MAK: variants seen among roughly 807,000 people sequenced by gnomAD.
The protein encoded by MAK is male germ cell associated kinase, also known as serine/threonine-protein kinase MAK.
MAK carries 65 observed loss-of-function variants against 82.6 expected under a neutral mutation model. The observed-to-expected ratio is 0.79, with a 90% CI of 0.64 to 0.97. MAK has a LOEUF of 0.97. Ranked by LOEUF, MAK falls within the 50% of genes least tolerant of loss-of-function variation. The pLI is 0.00. For synonymous variants in MAK, 250 were observed against 274.2 expected, an observed-to-expected ratio of 0.91 and a Z score of 0.87; for missense variants, 703 against 780.2, an observed-to-expected ratio of 0.90 and a Z score of 1.18.
intron 10 of MAK, among the ~76,000 whole-genome samples, chr6:10,790,320 A>G (rs1176397418): frequency 6.6e-6 from 1 of 152,164 alleles, no homozygotes; most frequent in Non-Finnish European, 1.5e-5. Context: ...CAAAGTGAAG[A>G]CTTCCATACT....
In MAK at chr6:10,767,833, G is replaced by A. The variant is rs186369399; in HGVS notation, c.1792+2278C>T. Among the ~76,000 whole-genome samples the A allele has an allele frequency of 6.6e-5, 10 of 151,848 alleles. No individual in the cohort carries two copies. In the East Asian group the frequency reaches 1.7e-3, roughly 26 times the overall value. On this transcript the variant is annotated intron_variant, in intron 14 of 14. Coordinates refer to ENST00000354489, the MANE Select transcript of MAK (RefSeq NM_001242957.3). ...AAAACAAAAACAAAAATCTTGAAGG[G>A]GAGAAAGAAGAGCAAAGACGAGACT... is the stretch of plus-strand genomic sequence containing the variant.
intron 5 of MAK, among the ~76,000 whole-genome samples, chr6:10,812,806 T>C (rs1001421819): frequency 6.6e-6 from 1 of 151,616 alleles, no homozygotes; most frequent in Non-Finnish European, 1.5e-5. Context: ...TCTTTTTGCC[T>C]AGGCTGGAGT....
intron 11 of MAK, chr6:10,779,490 A>G (rs1175236225): frequency 1.0e-6 from 1 of 984,460 alleles, no homozygotes; most frequent in Non-Finnish European, 1.2e-6. Context: ...GTATAATGTC[A>G]TGCTGCCCTG....
Position 10,770,165 on chromosome 6 carries a change from C to G in MAK, c.1738G>C (p.Val580Leu). The change falls in exon 14 of 15, where the codon GTG becomes CTG. Residue 580 changes from valine to leucine, a missense_variant. Transcript: ENST00000354489. ...GYIPSFLKKE[V>L]QSAGQRIHLA... ...TGGATCCTCTGGCCAGCTGACTGCACTTCTTTTTTGAGAAAGGAAGGAATA... is the reference window on the plus strand; with the variant it reads ...TGGATCCTCTGGCCAGCTGACTGCAGTTCTTTTTTGAGAAAGGAAGGAATA... 5 of 1,614,162 alleles carry G rather than the reference C, an allele frequency of 3.1e-6. No individual in the cohort carries two copies. In the South Asian group the frequency reaches 5.5e-5, roughly 18 times the overall value.
Position 10,784,547 on chromosome 6 carries a change from A to G in MAK, c.1342T>C (p.Ser448Pro), listed in dbSNP as rs769938480. 4.3e-6 allele frequency: 7 copies of G among 1,613,942 alleles called. No individual in the cohort carries two copies. The East Asian group carries it at 1.1e-4, about 26-fold the overall frequency. The change falls in exon 11 of 15, where the codon TCC becomes CCC. Residue 448 changes from serine to proline, a missense_variant. Physicochemically the swap from Ser to Pro is moderately conservative, Grantham distance 74. Coordinates refer to ENST00000354489, the MANE Select transcript of MAK (RefSeq NM_001242957.3). ...TTGTTTTCCCCTGTCGAGTGGTTGG[A>G]GCCTGAGGGTACTGGCTCTGGAAGC... ...FRLPEPVPSG[S>P]NHSTGENKSL...
intron 11 of MAK, among the ~76,000 whole-genome samples, chr6:10,783,569 A>G (rs1192989360): frequency 1.3e-5 from 2 of 152,180 alleles, no homozygotes; most frequent in Admixed American, 1.3e-4. Context: ...AAACATGTCT[A>G]GGTTTTGCCC....
At chr6:10,805,284 G>C (rs979817803) in intron 6 of MAK, among the ~76,000 whole-genome samples, 2 of 152,024 alleles carry the variant, frequency 1.3e-5, no homozygotes, top group African/African-American at 4.8e-5. Flanking sequence ...TTAGTGTTTT[G>C]GTCACTATTT....
At chr6:10,831,733 A>G (rs571861745) in intron 1 of MAK, among the ~76,000 whole-genome samples, 13 of 152,144 alleles carry the variant, frequency 8.5e-5, no homozygotes, top group Non-Finnish European at 2.9e-5. Flanking sequence ...GTGACAGAGT[A>G]AGACTCTGTC....
At chr6:10,805,860 A>G (rs1776401631) in intron 6 of MAK, among the ~76,000 whole-genome samples, 1 of 152,114 alleles carries the variant, frequency 6.6e-6, no homozygotes, top group Admixed American at 6.5e-5. Flanking sequence ...TCCCTCTTCC[A>G]TCTCTCTGTC....
intron 8 of MAK, among the ~76,000 whole-genome samples, chr6:10,799,263 T>G (rs549287): frequency 0.19 from 28,332 of 152,216 alleles, 3,357 homozygotes; most frequent in East Asian, 0.35. Flanking sequence ...CTAAGAGAGA[T>G]AAATGAAAAA....
At chr6:10,771,508 G>C (rs1355637817) in intron 13 of MAK, among the ~76,000 whole-genome samples, 1 of 152,200 alleles carries the variant, frequency 6.6e-6, no homozygotes, top group Non-Finnish European at 1.5e-5. Flanking sequence ...TCTGCAGGAA[G>C]GGAGACAGGT....
intron 10 of MAK, among the ~76,000 whole-genome samples, chr6:10,791,457 G>C (rs1411411486): frequency 6.6e-6 from 1 of 151,944 alleles, no homozygotes; most frequent in East Asian, 1.9e-4. Flanking sequence ...AGTAGAGACG[G>C]GGTTTCACCA....
Position 10,829,466 on chromosome 6 carries a change from C to T in MAK, c.101+1082G>A, listed in dbSNP as rs532805410. 5.3e-5 allele frequency among the ~76,000 whole-genome samples: 8 copies of T among 152,148 alleles called. 1 individual carries two copies. The highest frequency in any genetic ancestry group is 2.0e-4 in the Admixed American group (3 of 15,282). Reference sequence around the variant, plus strand: ...CTGTAATTCCAGCACTTTGGGAGGCCAAGGTGGGTAGCTTGCTTGAGCCTG... The same window carrying T: ...CTGTAATTCCAGCACTTTGGGAGGCTAAGGTGGGTAGCTTGCTTGAGCCTG... On this transcript the variant is annotated intron_variant, in intron 2 of 14. Transcript: ENST00000354489.
At position 10,830,841 on chromosome 6, in the gene MAK, C is replaced by T. The variant is rs1778763065; in HGVS notation, c.-193G>A. On this transcript the variant is annotated 5_prime_UTR_variant, in exon 2 of 15. Transcript: ENST00000354489. ...TTCATGAGATATAGCATGAAGGAATCGGGCAAGGAAACAACACTTCCATTC... is the reference window on the plus strand; with the variant it reads ...TTCATGAGATATAGCATGAAGGAATTGGGCAAGGAAACAACACTTCCATTC... 3.2e-6 allele frequency: 2 copies of T among 618,408 alleles called. No individual in the cohort carries two copies. The highest frequency in any genetic ancestry group is 2.9e-5 in the East Asian group (1 of 33,910). The allele number at this position is 618,408 out of a possible 1,614,324, so 38.3% of individuals were successfully genotyped here. A position where few individuals can be genotyped will look rare whatever the true frequency, so the allele number is the denominator to read the frequency against.
At position 10,783,676 on chromosome 6, in the gene MAK, T is replaced by G. The variant is rs1774217612; in HGVS notation, c.1465+748A>C. On this transcript the variant is annotated intron_variant, in intron 11 of 14. Transcript: ENST00000354489. Reference sequence around the variant, plus strand: ...TGGCCTCTTAGCCAGTGTCTTTGCCTCTCTTGAGTTCCCAGCATGCTCTTC... The same window carrying G: ...TGGCCTCTTAGCCAGTGTCTTTGCCGCTCTTGAGTTCCCAGCATGCTCTTC... 3.3e-5 allele frequency among the ~76,000 whole-genome samples: 5 copies of G among 152,256 alleles called. No homozygotes were observed. The South Asian group carries it at 1.0e-3, about 32-fold the overall frequency.
At chr6:10,813,122 ATATATATATATAAATTTTTTTTTTTTTTT>A (rs1777144537) in intron 5 of MAK, among the ~76,000 whole-genome samples, 1 of 1,620 alleles carries the variant, frequency 6.2e-4, no homozygotes, top group African/African-American at 3.0e-3. Context: ...ATATATATAT[ATATATATATATAAATTTTTTTTTTTTTTT>A]TTTTTTTTTT....
rs1433145928 is a variant in MAK at position 10,838,532 on chromosome 6, T to A, written c.-259A>T. 1 of 152,206 alleles carries A rather than the reference T, an allele frequency of 6.6e-6. No individual in the cohort carries two copies. Among genetic ancestry groups the A allele is most frequent in the Non-Finnish European group, 1.5e-5 (1 of 68,092 alleles). 9.4% of individuals were successfully genotyped at this position (152,206 alleles called of 1,614,324 possible). A position where few individuals can be genotyped will look rare whatever the true frequency, so the allele number is the denominator to read the frequency against. On this transcript the variant is annotated 5_prime_UTR_variant, in exon 1 of 15. Coordinates refer to ENST00000354489, the MANE Select transcript of MAK (RefSeq NM_001242957.3). ...TTCGCTCCCTTGTGAAGCTCCGGCG[T>A]CTTGTGTGTTTCATCTCCTAGGAAA...
intron 9 of MAK, among the ~76,000 whole-genome samples, chr6:10,792,837 C>T (rs1336185935): frequency 6.6e-6 from 1 of 152,140 alleles, no homozygotes; most frequent in African/African-American, 2.4e-5. Flanking sequence ...CTATTACTTT[C>T]TCTGCCAGGC....
At position 10,804,925 on chromosome 6, in the gene MAK, G is replaced by A. The variant is rs114007942; in HGVS notation, c.492-1034C>T. Among the ~76,000 whole-genome samples the A allele has an allele frequency of 1.1e-3, 169 of 152,254 alleles. 2 individuals are homozygous for A. The highest frequency in any genetic ancestry group is 3.9e-3 in the African/African-American group (160 of 41,554). ...AAAAAAAAGAAAGGCATTTCTGGCT[G>A]GGCCAATGTGTGGGGTTTGCACATT... On this transcript the variant is annotated intron_variant, in intron 6 of 14. Transcript: ENST00000354489.
Sources: allele counts gnomAD v4.1 joint callset (sites outside exome capture counted in the v4.1 genomes callset), GRCh38; gene constraint gnomAD v4.1.1; transcripts MANE v1.5; gene names NCBI Gene and HGNC (gene_info 2026-07-23, HGNC 2026-07-21).